The following DCDC2 variants were observed in gnomAD, a reference collection of about 807,000 sequenced individuals.
DCDC2 encodes doublecortin domain containing 2, also known as doublecortin domain-containing protein 2.
A neutral mutation model predicts 50.2 loss-of-function variants in DCDC2; 40 were observed. That is an observed-to-expected ratio of 0.80 (90% CI 0.62 to 1.04). DCDC2 has a LOEUF of 1.04. DCDC2 is among the 50% of genes least tolerant of loss of function. The probability of loss-of-function intolerance (pLI) is 0.00; values close to 1 mark genes in which losing one functional copy is unlikely to be tolerated. For missense variants in DCDC2, 570 were observed against 581.9 expected (o/e 0.98, Z 0.21); for synonymous variants, 234 against 210.6 (o/e 1.11, Z -0.96).
At chr6:24,260,174 G>C (rs1309363435) in intron 7 of DCDC2, among the ~76,000 whole-genome samples, 2 of 151,932 alleles carry the variant, frequency 1.3e-5, no homozygotes, top group African/African-American at 4.8e-5. Context: ...TCAGCTTTTG[G>C]CTTCAGACCA....
At chr6:24,361,606 T>TTATGTGGAAATGGAAGGCAATCA (rs1760667192), upstream of DCDC2, among the ~76,000 whole-genome samples, 1 of 152,184 alleles carries the variant, frequency 6.6e-6, no homozygotes, top group Non-Finnish European at 1.5e-5. Flanking sequence ...AGAATACTTG[T>TTATGTGGAAATGGAAGGCAATCA]TATGTGGAAA....
At chr6:24,182,241 C>T (rs1761090201) in intron 8 of DCDC2, among the ~76,000 whole-genome samples, 1 of 152,076 alleles carries the variant, frequency 6.6e-6, no homozygotes, top group Non-Finnish European at 1.5e-5. Flanking sequence ...AGCTTTTTGG[C>T]ATTGGACTTG....
chr6:24,303,801 GATTA>G (rs1005938404), intron 2 of DCDC2, among the ~76,000 whole-genome samples: 2 of 152,222 alleles, frequency 1.3e-5, no homozygotes, highest in East Asian at 1.9e-4. Flanking sequence ...ACTGGAGCTT[GATTA>G]ATTAATTGGC....
Position 24,242,536 on chromosome 6 carries a change from C to G in DCDC2, c.922+35513G>C, listed in dbSNP as rs537416597. On this transcript the variant is annotated intron_variant, in intron 7 of 9. Coordinates refer to ENST00000378454, the MANE Select transcript of DCDC2 (RefSeq NM_016356.5). ...CGTGTCCTCCCACTCCACCCACCGC[C>G]AGCCTCTGTGAGAGTATTTACCACA... Among the ~76,000 whole-genome samples, 18 of 152,316 alleles carry G rather than the reference C, an allele frequency of 1.2e-4. No individual in the cohort carries two copies. In the East Asian group the frequency reaches 3.5e-3, roughly 29 times the overall value.
At chr6:24,351,958 G>T (rs1760380491) in intron 2 of DCDC2, among the ~76,000 whole-genome samples, 1 of 152,070 alleles carries the variant, frequency 6.6e-6, no homozygotes, top group Non-Finnish European at 1.5e-5. Flanking sequence ...AAAAAAATTA[G>T]CCAGGTGTGG....
At chr6:24,378,474 C>A in the DCDC2 span, among the ~76,000 whole-genome samples, 24 of 152,254 alleles carry the variant, frequency 1.6e-4, no homozygotes, top group South Asian at 4.8e-3. Flanking sequence ...GAAAGCCCAG[C>A]ACCCTTGCTT....
intron 2 of DCDC2, among the ~76,000 whole-genome samples, chr6:24,325,335 G>A (rs892642124): frequency 1.3e-5 from 2 of 149,744 alleles, no homozygotes; most frequent in South Asian, 2.2e-4. Context: ...AGCATGGAAT[G>A]TAAGTTATTG....
chr6:24,302,603 A>G (rs75716370), intron 2 of DCDC2, among the ~76,000 whole-genome samples: 4,903 of 151,982 alleles, frequency 0.032, 228 homozygotes, highest in African/African-American at 0.11. Context: ...CAGCACCCTC[A>G]ATTCCCGCAG....
intron 7 of DCDC2, among the ~76,000 whole-genome samples, chr6:24,232,121 TAA>T (rs1457005536): frequency 6.6e-6 from 1 of 152,036 alleles, no homozygotes; most frequent in Non-Finnish European, 1.5e-5. Context: ...ATAACAGATA[TAA>T]AAAGATATAT....
At chr6:24,338,524 C>T (rs763171342) in intron 2 of DCDC2, among the ~76,000 whole-genome samples, 14 of 152,244 alleles carry the variant, frequency 9.2e-5, no homozygotes, top group Non-Finnish European at 1.5e-4. Flanking sequence ...TCAACAGCCT[C>T]TCCCATCATG....
At chr6:24,200,246 A>G (rs1186245011) in intron 8 of DCDC2, among the ~76,000 whole-genome samples, 1 of 152,222 alleles carries the variant, frequency 6.6e-6, no homozygotes, top group African/African-American at 2.4e-5. Context: ...AAAAATGTTA[A>G]GGGCAGCCAG....
At chr6:24,213,200 TTA>T (rs1156634624) in intron 7 of DCDC2, among the ~76,000 whole-genome samples, 2 of 152,154 alleles carry the variant, frequency 1.3e-5, no homozygotes, top group Non-Finnish European at 2.9e-5. Flanking sequence ...TGATTGAGAT[TTA>T]TGAGGATGAG....
intron 7 of DCDC2, among the ~76,000 whole-genome samples, chr6:24,266,472 G>GA (rs948134756): frequency 1.3e-5 from 2 of 151,980 alleles, no homozygotes; most frequent in African/African-American, 4.8e-5. Context: ...ACTCAATAGG[G>GA]AAAAAATCTA....
intron 7 of DCDC2, among the ~76,000 whole-genome samples, chr6:24,258,419 T>C (rs1156796506): frequency 6.6e-6 from 1 of 152,158 alleles, no homozygotes; most frequent in African/African-American, 2.4e-5. Flanking sequence ...AGAGTGCTAA[T>C]TGGCGCATTT....
At chr6:24,248,073 T>C (rs1581610208) in intron 7 of DCDC2, among the ~76,000 whole-genome samples, 1 of 152,056 alleles carries the variant, frequency 6.6e-6, no homozygotes, top group Non-Finnish European at 1.5e-5. Context: ...CAAAACTCCA[T>C]CTCAAAAATA....
intron 2 of DCDC2, among the ~76,000 whole-genome samples, chr6:24,325,013 A>C (rs755667515): frequency 6.6e-6 from 1 of 152,184 alleles, no homozygotes. Context: ...ATTTCACATT[A>C]AATGCAATGA....
intron 7 of DCDC2, 143 bp downstream of exon 7, chr6:24,277,906 C>T (rs1331583666): frequency 1.7e-6 from 1 of 605,182 alleles, no homozygotes; most frequent in Non-Finnish European, 2.7e-6. Context: ...AAAACAGCAG[C>T]ATCTCTCATA....
intron 8 of DCDC2, among the ~76,000 whole-genome samples, chr6:24,204,015 T>C (rs1475553043): frequency 2.6e-5 from 4 of 152,088 alleles, no homozygotes; most frequent in South Asian, 2.1e-4. Flanking sequence ...TGTGGAGAAA[T>C]AGCAACACTT....
chr6:24,318,907 T>C (rs1759722630), intron 2 of DCDC2, among the ~76,000 whole-genome samples: 1 of 152,070 alleles, frequency 6.6e-6, no homozygotes. Flanking sequence ...AGTGCAGGTA[T>C]CTTTTTTGAT....
Sources: allele counts gnomAD v4.1 joint callset (sites outside exome capture counted in the v4.1 genomes callset), GRCh38; gene constraint gnomAD v4.1.1; transcripts MANE v1.5; gene names NCBI Gene and HGNC (gene_info 2026-07-23, HGNC 2026-07-21).